Variants in KNL1 observed in about 807,000 individuals in gnomAD.
The protein encoded by KNL1 is outer kinetochore KNL1 complex subunit KNL1.
KNL1 carries 66 observed loss-of-function variants against 201.3 expected under a neutral mutation model. The ratio of observed to expected loss-of-function variants is 0.33; its 90% CI spans 0.27 to 0.40. The LOEUF (loss-of-function observed/expected upper bound fraction) is 0.40. Among genes scored for constraint, KNL1 ranks in the 10% least tolerant of loss-of-function variants. KNL1 has a pLI of 1.00. For synonymous variants in KNL1, 895 were observed against 899.2 expected, an observed-to-expected ratio of 1.00 and a Z score of 0.08; for missense variants, 2,815 against 2,690.5, an observed-to-expected ratio of 1.05 and a Z score of -1.02.
intron 2 of KNL1, among the ~76,000 whole-genome samples, chr15:40,604,825 G>A (rs549710791): frequency 2.0e-5 from 3 of 152,284 alleles, no homozygotes; most frequent in Admixed American, 6.5e-5. Context: ...CAAAGCTAGC[G>A]TCTCTTGACT....
rs55688393 is a variant in KNL1 at position 40,649,009 on chromosome 15, T to TC, written c.6095-1292_6095-1291insC. On this transcript the variant is annotated intron_variant, in intron 17 of 25. Coordinates refer to ENST00000399668, the MANE Select transcript of KNL1 (RefSeq NM_144508.5). ...CAGGCCCTGCTAATTTTTTTTTTTT[T>TC]GTATTTTTAGTAGAGACGGGGTTTC... Among the ~76,000 whole-genome samples the TC allele has an allele frequency of 4.7e-5, 7 of 150,356 alleles. No homozygotes were observed. In the East Asian group the frequency reaches 1.4e-3, roughly 30 times the overall value.
In KNL1 at chr15:40,659,354, C is replaced by T. The variant is rs1173997723; in HGVS notation, c.6729C>T (p.Phe2243=). The stretch of plus-strand genomic sequence containing the variant: ...TCTTTTACAGATTGAGACTTTTATT[C>T]TCTAGCTCCGCAGCATTTGCAAAGT... ...DINNNELRLL[F]SSSAAFAKFE... Residue 2243 remains phenylalanine (F), a synonymous_variant, in exon 25 of 26, where the codon TTC becomes TTT. Transcript: ENST00000399668. 2.5e-6 allele frequency: 4 copies of T among 1,611,118 alleles called. No homozygotes were observed. Among genetic ancestry groups the T allele is most frequent in the South Asian group, 1.1e-5 (1 of 91,000 alleles).
At chr15:40,659,769 C>T (rs535848805) in intron 25 of KNL1, among the ~76,000 whole-genome samples, 9 of 151,760 alleles carry the variant, frequency 5.9e-5, no homozygotes, top group African/African-American at 1.9e-4. Context: ...CTTGAGCCAC[C>T]GCGCCCAGCA....
chr15:40,650,486 T>C, intron 18 of KNL1, 58 bp from the exon 19 acceptor site: 1 of 1,566,058 alleles, frequency 6.4e-7, no homozygotes, highest in Non-Finnish European at 8.6e-7. Context: ...TAAAACAGAT[T>C]TTTGTGGCAA....
At chr15:40,651,149 A>C (rs1893546427) in intron 19 of KNL1, among the ~76,000 whole-genome samples, 1 of 151,914 alleles carries the variant, frequency 6.6e-6, no homozygotes, top group Non-Finnish European at 1.5e-5. Flanking sequence ...ATATTTTTAT[A>C]TTTTTGCTTT....
Position 40,620,700 on chromosome 15 carries a change from T to G in KNL1, c.436T>G (p.Ser146Ala). The change falls in exon 10 of 26, where the codon TCA (serine) becomes GCA (alanine). Residue 146 changes from serine to alanine, a missense_variant. Transcript: ENST00000399668. Reference sequence around the variant, plus strand: ...TGCAAATGACCAGACAGTCATTTTTTCAGATGAAAACCAGATGGACCTGAC... The same window carrying G: ...TGCAAATGACCAGACAGTCATTTTTGCAGATGAAAACCAGATGGACCTGAC... ...KHANDQTVIF[S>A]DENQMDLTSS... 6.2e-7 allele frequency: 1 copy of G among 1,603,708 alleles called. No individual in the cohort carries two copies. The highest frequency in any genetic ancestry group is 1.1e-5 in the South Asian group (1 of 89,548).
rs964422051 is a variant in KNL1, at chr15:40,601,704, C to T, written c.-17-1211C>T. Among the ~76,000 whole-genome samples, 746 of 151,000 alleles carry T rather than the reference C, an allele frequency of 4.9e-3. 31 individuals are homozygous for T. Among genetic ancestry groups the T allele is most frequent in the Non-Finnish European group, 1.3e-3 (89 of 67,700 alleles). ...GGCGCGGTCGTGGGCGCCTGTAGTCCCAGCTACTCGGGAGGCTGAGGCAGG... is the reference window on the plus strand; with the variant it reads ...GGCGCGGTCGTGGGCGCCTGTAGTCTCAGCTACTCGGGAGGCTGAGGCAGG... On this transcript the variant is annotated intron_variant, in intron 1 of 25. Transcript: ENST00000399668.
chr15:40,634,007 T>C (rs1244786133), intron 13 of KNL1, among the ~76,000 whole-genome samples: 1 of 152,126 alleles, frequency 6.6e-6, no homozygotes, highest in Non-Finnish European at 1.5e-5. Context: ...GGACAAGAAG[T>C]GGAGGTGGAA....
chr15:40,654,003 G>A lies in KNL1; in HGVS notation c.6416-906G>A, dbSNP rs77526355. Among the ~76,000 whole-genome samples the A allele has an allele frequency of 3.8e-3, 582 of 152,290 alleles. 10 individuals are homozygous for A. Among genetic ancestry groups the A allele is most frequent in the African/African-American group, 0.013 (550 of 41,552 alleles). ...TCCTTAATAGTGCTTATCATAGTTT[G>A]TAGTTCTTGCTGTGTTTATTAGTGC... On this transcript the variant is annotated intron_variant, in intron 21 of 25. Transcript: ENST00000399668.
In KNL1 at chr15:40,625,544, A is replaced by G. The variant is rs2141727476; in HGVS notation, c.5280A>G (p.Gln1760=). The change falls in exon 10 of 26, where the codon CAA becomes CAG. Residue 1760 remains glutamine (Q), a synonymous_variant. Coordinates refer to ENST00000399668, the MANE Select transcript of KNL1 (RefSeq NM_144508.5). ...AAATGGGAAAAACTTGCAATAGCCA[A>G]AAAAGAACGTGGGTACAAGAAGAAG... The part of the protein sequence containing the change: ...ENKMGKTCNS[Q]KRTWVQEEED... 1.2e-6 allele frequency: 2 copies of G among 1,608,366 alleles called. No homozygotes were observed. Among genetic ancestry groups the G allele is most frequent in the Admixed American group, 1.7e-5 (1 of 58,186 alleles).
intron 14 of KNL1, among the ~76,000 whole-genome samples, chr15:40,642,196 G>A (rs1195620013): frequency 6.6e-6 from 1 of 152,172 alleles, no homozygotes; most frequent in East Asian, 1.9e-4. Context: ...TCAGGAGATC[G>A]AGACCATCCT....
In KNL1 at chr15:40,645,642, A is replaced by C. The variant is rs1893362042; in HGVS notation, c.5890-14A>C. 2.1e-6 allele frequency: 3 copies of C among 1,461,164 alleles called. No homozygotes were observed. Among genetic ancestry groups the C allele is most frequent in the Non-Finnish European group, 2.9e-6 (3 of 1,051,320 alleles). 90.5% of individuals were successfully genotyped at this position (1,461,164 alleles called of 1,614,324 possible). A position where few individuals can be genotyped will look rare whatever the true frequency, so the allele number is the denominator to read the frequency against. ...TTGTTTTAGTACAGTGTTCTCTATA[A>C]CTTTCCCTTCCAGCTGAAGGCCTTT... On this transcript the variant is annotated splice_polypyrimidine_tract_variant and intron_variant, in intron 15 of 25. Transcript: ENST00000399668.
intron 14 of KNL1, 73 bp from the exon 15 acceptor site, chr15:40,644,924 T>C: frequency 4.4e-6 from 4 of 904,102 alleles, no homozygotes; most frequent in Non-Finnish European, 5.1e-6. Context: ...CGTCTTTCCT[T>C]TCTACATAGA....
At chr15:40,638,897 C>T (rs1357539895) in intron 13 of KNL1, among the ~76,000 whole-genome samples, 1 of 151,630 alleles carries the variant, frequency 6.6e-6, no homozygotes, top group Non-Finnish European at 1.5e-5. Flanking sequence ...CTGCAACCTC[C>T]GCCTCCCGAT....
chr15:40,621,977 T>C lies in KNL1; in HGVS notation c.1713T>C (p.Asn571=). 5.6e-6 allele frequency: 9 copies of C among 1,614,034 alleles called. No individual in the cohort carries two copies. Among genetic ancestry groups the C allele is most frequent in the Non-Finnish European group, 7.6e-6 (9 of 1,179,964 alleles). Residue 571 remains asparagine, a synonymous_variant, in exon 10 of 26, where the codon AAT becomes AAC. Transcript: ENST00000399668. The part of the protein sequence containing the change: ...DRKTELLSGE[N]MDLTESHTSN... ...AGACTGAACTCTTATCAGGTGAAAA[T>C]ATGGATTTGACTGAAAGTCACACAA...
intron 23 of KNL1, 62 bp from the exon 24 acceptor site, chr15:40,657,293 G>A: frequency 9.2e-7 from 1 of 1,090,674 alleles, no homozygotes; most frequent in East Asian, 2.4e-5. Flanking sequence ...CTTTGTAAGT[G>A]AGCCACTAAG....
chr15:40,625,213 T>C lies in KNL1; in HGVS notation c.4949T>C (p.Leu1650Ser). The C allele has an allele frequency of 6.2e-7, 1 of 1,614,030 alleles. No individual in the cohort carries two copies. The highest frequency in any genetic ancestry group is 1.1e-5 in the South Asian group (1 of 91,066). The change falls in exon 10 of 26, where the codon TTG (leucine) becomes TCG (serine). Residue 1650 changes from leucine (L) to serine (S), a missense_variant. Coordinates refer to ENST00000399668, the MANE Select transcript of KNL1 (RefSeq NM_144508.5). ...AAAGATAAAGTAAGGAGATGTTCTT[T>C]GGGAATCTTTTTGCCTAGATTGCCC... is the stretch of plus-strand genomic sequence containing the variant. ...VFKDKVRRCS[L>S]GIFLPRLPNK...
rs1036151343 is a variant in KNL1 at position 40,659,404 on chromosome 15, C to T, written c.6779C>T (p.Ala2260Val). Reference protein sequence around the residue: ...AKFEITLFLSAYYPSVPLPST... With the variant: ...AKFEITLFLSVYYPSVPLPST... ...TTTGAAATAACTTTGTTTCTCTCAG[C>T]CTATTATCCATCTGTACCATTACCT... Residue 2260 changes from alanine to valine, a missense_variant, in exon 25 of 26, where the codon GCC becomes GTC. By Grantham distance (64) the Ala-to-Val change is moderately conservative. Coordinates refer to ENST00000399668, the MANE Select transcript of KNL1 (RefSeq NM_144508.5). 2 of 1,613,474 alleles carry T rather than the reference C, an allele frequency of 1.2e-6. No individual in the cohort carries two copies. The highest frequency in any genetic ancestry group is 1.7e-6 in the Non-Finnish European group (2 of 1,179,384).
intron 7 of KNL1, among the ~76,000 whole-genome samples, chr15:40,614,359 A>G (rs1197002404): frequency 3.9e-5 from 6 of 152,096 alleles, no homozygotes; most frequent in African/African-American, 1.2e-4. Flanking sequence ...TGGCTTCCCA[A>G]AGTGCTGGGA....
Sources: gnomAD v4.1 joint callset for allele counts (sites outside exome capture counted in the v4.1 genomes callset) on GRCh38, gnomAD v4.1.1 for gene constraint, MANE v1.5 for transcripts, NCBI Gene and HGNC (gene_info 2026-07-23, HGNC 2026-07-21) for gene names.